Variants in GTF3C4 observed in about 807,000 individuals in gnomAD.
GTF3C4 encodes the protein general transcription factor 3C polypeptide 4.
A neutral mutation model predicts 67.5 loss-of-function variants in GTF3C4; 28 were observed. The observed-to-expected ratio is 0.41, with a 90% CI of 0.31 to 0.57. GTF3C4 has a LOEUF of 0.57. GTF3C4 is among the 20% of genes least tolerant of loss of function. The probability of loss-of-function intolerance (pLI) is 0.21; values close to 1 mark genes in which losing one functional copy is unlikely to be tolerated. For synonymous variants in GTF3C4, 409 were observed against 393.0 expected (o/e 1.04, Z -0.48); for missense variants, 831 against 1,033.2 (o/e 0.80, Z 2.68).
Position 132,692,764 on chromosome 9 carries a change from C to G in GTF3C4, c.*3819C>G, listed in dbSNP as rs1239057594. On this transcript the variant is annotated 3_prime_UTR_variant, in exon 5 of 5. Transcript: ENST00000372146. ...CAAGGTTGGGTCATCAAAAATCCCTCTAAAGGATCTAACTGTAATGAACTG... is the reference window on the plus strand; with the variant it reads ...CAAGGTTGGGTCATCAAAAATCCCTGTAAAGGATCTAACTGTAATGAACTG... The G allele has an allele frequency of 6.6e-6, 1 of 152,198 alleles. No individual in the cohort carries two copies. The highest frequency in any genetic ancestry group is 2.4e-5 in the African/African-American group (1 of 41,450). 9.4% of individuals were successfully genotyped at this position (152,198 alleles called of 1,614,324 possible).
Position 132,670,861 on chromosome 9 carries a change from T to C in GTF3C4, c.263T>C (p.Val88Ala). The C allele has an allele frequency of 6.2e-7, 1 of 1,612,254 alleles. No individual in the cohort carries two copies. The part of the protein sequence containing the change: ...VSVSTARSIA[V>A]LELICDVHNP... ...GTGTCCACGGCCCGCAGCATCGCTGTGCTGGAGCTCATCTGCGACGTGCAC... is the reference window on the plus strand; with the variant it reads ...GTGTCCACGGCCCGCAGCATCGCTGCGCTGGAGCTCATCTGCGACGTGCAC... The change falls in exon 1 of 5, where the codon GTG (valine) becomes GCG (alanine). Residue 88 changes from valine to alanine, a missense_variant. Physicochemically the swap from Val to Ala is moderately conservative, Grantham distance 64. Coordinates refer to ENST00000372146, the MANE Select transcript of GTF3C4 (RefSeq NM_012204.4).
rs1835980793 is a variant in GTF3C4 at position 132,683,597 on chromosome 9, A to G, written c.2219A>G (p.Lys740Arg). 6.2e-7 allele frequency: 1 copy of G among 1,612,832 alleles called. No homozygotes were observed. Among genetic ancestry groups the G allele is most frequent in the Non-Finnish European group, 8.5e-7 (1 of 1,179,748 alleles). ...GGACATATCTCAAAGAAGATGAACA[A>G]ACAGACTTTCCCTGAGCACTGTAGT... Reference protein sequence around the residue: ...LIGHISKKMNKQTFPEHCSLC... With the variant: ...LIGHISKKMNRQTFPEHCSLC... The change falls in exon 3 of 5, where the codon AAA (lysine) becomes AGA (arginine). Residue 740 changes from lysine (K) to arginine (R), a missense_variant. Lys to Arg is a conservative substitution (Grantham distance 26). Coordinates refer to ENST00000372146, the MANE Select transcript of GTF3C4 (RefSeq NM_012204.4).
At chr9:132,676,134 C>A (rs965857159) in intron 1 of GTF3C4, among the ~76,000 whole-genome samples, 8 of 151,740 alleles carry the variant, frequency 5.3e-5, no homozygotes. Context: ...CTCCTGACCT[C>A]ATGATCCGCC....
chr9:132,686,186 T>G (rs1364471720), intron 3 of GTF3C4, among the ~76,000 whole-genome samples: 1 of 152,262 alleles, frequency 6.6e-6, no homozygotes, highest in African/African-American at 2.4e-5. Flanking sequence ...GCTTGTGGCA[T>G]AGCTCAGAAC....
chr9:132,675,589 A>G (rs7026692), intron 1 of GTF3C4, among the ~76,000 whole-genome samples: 7,949 of 152,232 alleles, frequency 0.052, 685 homozygotes, highest in African/African-American at 0.18. Flanking sequence ...AAGGCAAAAA[A>G]GTTTGGCTTC....
rs565127032 is a variant in GTF3C4 at position 132,692,684 on chromosome 9, G to A, written c.*3739G>A. On this transcript the variant is annotated 3_prime_UTR_variant, in exon 5 of 5. Transcript: ENST00000372146. ...TCTTTCACTGCTCTTCTGTGCGTTG[G>A]AGTTTAGCAATTCAGTGAGACTGGG... is the stretch of plus-strand genomic sequence containing the variant. 4 of 152,280 alleles carry A rather than the reference G, an allele frequency of 2.6e-5. No homozygotes were observed. The highest frequency in any genetic ancestry group is 4.1e-4 in the South Asian group (2 of 4,828). 9.4% of individuals were successfully genotyped at this position (152,280 alleles called of 1,614,324 possible).
At chr9:132,670,083 G>T (rs768135162), upstream of GTF3C4, 3 of 1,560,732 alleles carry the variant, frequency 1.9e-6, no homozygotes, top group Non-Finnish European at 8.7e-7. Flanking sequence ...CCCGAGGGGA[G>T]CCGGGGACGG....
intron 3 of GTF3C4, among the ~76,000 whole-genome samples, chr9:132,684,451 C>G (rs1368960698): frequency 6.6e-6 from 1 of 152,198 alleles, no homozygotes; most frequent in Non-Finnish European, 1.5e-5. Context: ...CCTTGCCCCT[C>G]CAGTCTGTTA....
At chr9:132,675,200 A>G (rs993578995) in intron 1 of GTF3C4, among the ~76,000 whole-genome samples, 1 of 152,122 alleles carries the variant, frequency 6.6e-6, no homozygotes, top group South Asian at 2.1e-4. Context: ...GGTTTAAGCA[A>G]TTTGCGCACA....
chr9:132,670,284 G>T, upstream of GTF3C4: 2 of 1,511,484 alleles, frequency 1.3e-6, no homozygotes, highest in Non-Finnish European at 1.8e-6. Context: ...CGCCCCGTGC[G>T]TTTCCTCAGC....
At chr9:132,671,231 C>A (rs1026662771) in intron 1 of GTF3C4, among the ~76,000 whole-genome samples, 3 of 152,196 alleles carry the variant, frequency 2.0e-5, no homozygotes, top group African/African-American at 7.2e-5. Flanking sequence ...AGGAACCCCT[C>A]CTTCGCCCCT....
chr9:132,682,229 G>A (rs1188466534), intron 2 of GTF3C4, among the ~76,000 whole-genome samples: 3 of 151,962 alleles, frequency 2.0e-5, no homozygotes, highest in Non-Finnish European at 2.9e-5. Flanking sequence ...TTGCTGTTAG[G>A]GACCATATGT....
At chr9:132,684,951 T>C (rs1372734889) in intron 3 of GTF3C4, among the ~76,000 whole-genome samples, 4 of 152,178 alleles carry the variant, frequency 2.6e-5, no homozygotes, top group South Asian at 2.1e-4. Context: ...CAGGAACTTA[T>C]GTGTTTTGTT....
In GTF3C4 at chr9:132,694,899, A is replaced by G. The variant is rs1002826087; in HGVS notation, c.*5954A>G. 6.6e-6 allele frequency: 1 copy of G among 152,250 alleles called. No homozygotes were observed. Among genetic ancestry groups the G allele is most frequent in the African/African-American group, 2.4e-5 (1 of 41,468 alleles). The allele number at this position is 152,250 out of a possible 1,614,324, so 9.4% of individuals were successfully genotyped here. ...GTTGTGGTTTGTATACAGAGCCATTAGTATTGTTATTTTGGCCACTTTTTT... is the reference window on the plus strand; with the variant it reads ...GTTGTGGTTTGTATACAGAGCCATTGGTATTGTTATTTTGGCCACTTTTTT... On this transcript the variant is annotated 3_prime_UTR_variant, in exon 5 of 5. Coordinates refer to ENST00000372146, the MANE Select transcript of GTF3C4 (RefSeq NM_012204.4).
chr9:132,679,203 T>G lies in GTF3C4; in HGVS notation c.1584T>G (p.Ser528=). 1 of 1,614,198 alleles carries G rather than the reference T, an allele frequency of 6.2e-7. No individual in the cohort carries two copies. Among genetic ancestry groups the G allele is most frequent in the South Asian group, 1.1e-5 (1 of 91,076 alleles). ...FEEAAAQLLE[S]SVQNLFKQVD... is the part of the protein sequence containing the mutation. ...AGGCAGCTGCTCAGCTCCTGGAATC[T>G]TCAGTTCAAAACCTTTTTAAGCAGG... Residue 528 remains serine (S), a synonymous_variant, in exon 2 of 5, where the codon TCT becomes TCG. Coordinates refer to ENST00000372146, the MANE Select transcript of GTF3C4 (RefSeq NM_012204.4). The surrounding 1 kb of genome is among the most constrained non-coding windows in gnomAD (Gnocchi z 5.9).
At position 132,679,816 on chromosome 9, in the gene GTF3C4, T is replaced by C. The variant is rs749736963; in HGVS notation, c.2184+13T>C. ...CAGAACTGCACGGGTAGGTGTTTAT[T>C]AACAAAAACTCTGAAATTGTAAAGC... On this transcript the variant is annotated intron_variant, in intron 2 of 4. Transcript: ENST00000372146. The surrounding 1 kb of genome is among the most constrained non-coding windows in gnomAD (Gnocchi z 5.9). The C allele has an allele frequency of 1.3e-6, 2 of 1,548,216 alleles. No individual in the cohort carries two copies. The highest frequency in any genetic ancestry group is 1.7e-4 in the Middle Eastern group (1 of 5,776).
rs779455330 is a variant in GTF3C4, at chr9:132,678,324, T to A, written c.705T>A (p.Asp235Glu). The change falls in exon 2 of 5, where the codon GAT becomes GAA. Residue 235 changes from aspartate (D) to glutamate (E), a missense_variant. By Grantham distance (45) the Asp-to-Glu change is conservative. Around this residue, in one of 4 missense-constraint regions of GTF3C4, gnomAD observed 390 missense variants for 540.3 expected, o/e 0.72. Transcript: ENST00000372146. The surrounding 1 kb of genome is among the most constrained non-coding windows in gnomAD (Gnocchi z 6.5). ...AGGCCCCGGAAGGAAATCTCGGGGA[T>A]TTTGCTGAGTTTCAGAGGAGACACA... ...KNEAPEGNLG[D>E]FAEFQRRHSM... 8.1e-6 allele frequency: 13 copies of A among 1,614,146 alleles called. No individual in the cohort carries two copies. The South Asian group carries it at 1.4e-4, about 18-fold the overall frequency.
At chr9:132,682,386 GAATT>G (rs1227510398) in intron 2 of GTF3C4, among the ~76,000 whole-genome samples, 2 of 152,066 alleles carry the variant, frequency 1.3e-5, no homozygotes, top group Non-Finnish European at 2.9e-5. Flanking sequence ...TAATTTTAGT[GAATT>G]AATCCAAAAT....
rs1383751371 is a variant in GTF3C4, at chr9:132,690,159, A to T, written c.*1214A>T. The T allele has an allele frequency of 6.6e-6, 1 of 152,260 alleles. No individual in the cohort carries two copies. Among genetic ancestry groups the T allele is most frequent in the Non-Finnish European group, 1.5e-5 (1 of 68,126 alleles). 9.4% of individuals were successfully genotyped at this position (152,260 alleles called of 1,614,324 possible). On this transcript the variant is annotated 3_prime_UTR_variant, in exon 5 of 5. Coordinates refer to ENST00000372146, the MANE Select transcript of GTF3C4 (RefSeq NM_012204.4). ...CCGTGTCTCTACTAAAAATACAAAA[A>T]TTAGCCAGGCGTGGTGGTGCACACC...
Sources: gnomAD v4.1 joint callset for allele counts (sites outside exome capture counted in the v4.1 genomes callset) on GRCh38, gnomAD v4.1.1 for gene constraint, gnomAD v4.1.1 regional missense constraint, Gnocchi (gnomAD v3.1) non-coding constraint, MANE v1.5 for transcripts, NCBI Gene and HGNC (gene_info 2026-07-23, HGNC 2026-07-21) for gene names.